The following KHDRBS2 variants were observed in gnomAD, a reference collection of about 807,000 sequenced individuals.
The protein encoded by KHDRBS2 is KH RNA binding domain containing, signal transduction associated 2.
In KHDRBS2, 26 loss-of-function variants were observed where a neutral mutation model predicts 44.3. The ratio of observed to expected loss-of-function variants is 0.59; its 90% CI spans 0.43 to 0.81. The LOEUF is 0.81. Among genes scored for constraint, KHDRBS2 ranks in the 40% least tolerant of loss-of-function variants. The pLI, the probability that KHDRBS2 is intolerant of heterozygous loss-of-function variation, is 0.00. For synonymous variants in KHDRBS2, 194 were observed against 151.1 expected, an observed-to-expected ratio of 1.28 and a Z score of -2.08; for missense variants, 476 against 433.1, an observed-to-expected ratio of 1.10 and a Z score of -0.88.
chr6:61,960,324 TA>T (rs990180054), intron 4 of KHDRBS2, among the ~76,000 whole-genome samples: 36 of 152,024 alleles, frequency 2.4e-4, no homozygotes, highest in Non-Finnish European at 4.7e-4. Flanking sequence ...AGATTTATTT[TA>T]AAAAAATCAT....
chr6:61,737,022 A>C (rs1562063083), intron 6 of KHDRBS2, among the ~76,000 whole-genome samples: 1 of 152,106 alleles, frequency 6.6e-6, no homozygotes, highest in East Asian at 1.9e-4. Flanking sequence ...ACAAATATAT[A>C]TTGAATTGTT....
chr6:61,672,759 T>A, the KHDRBS2 span, among the ~76,000 whole-genome samples: 1 of 151,126 alleles, frequency 6.6e-6, no homozygotes, highest in East Asian at 2.0e-4. Context: ...CTTTGTCAGA[T>A]GAGTAGGTTG....
chr6:61,799,724 G>A (rs1785960792), intron 6 of KHDRBS2, among the ~76,000 whole-genome samples: 1 of 151,870 alleles, frequency 6.6e-6, no homozygotes, highest in Admixed American at 6.6e-5. Context: ...ATAGTGCTTA[G>A]AAGACAAAAA....
chr6:61,569,587 G>A, the KHDRBS2 span, among the ~76,000 whole-genome samples: 3 of 152,104 alleles, frequency 2.0e-5, no homozygotes, highest in Non-Finnish European at 4.4e-5. Context: ...AGGTCCATGC[G>A]ACAACTTCAC....
At chr6:62,279,038 G>A (rs1698191981) in intron 1 of KHDRBS2, among the ~76,000 whole-genome samples, 3 of 152,102 alleles carry the variant, frequency 2.0e-5, no homozygotes, top group Non-Finnish European at 4.4e-5. Context: ...AGCTTGCAGT[G>A]AGCTGAGATT....
At chr6:61,596,612 A>G in the KHDRBS2 span, among the ~76,000 whole-genome samples, 2 of 152,242 alleles carry the variant, frequency 1.3e-5, no homozygotes, top group East Asian at 3.9e-4. Flanking sequence ...GTTGTTAACT[A>G]GGCAACCCTA....
intron 7 of KHDRBS2, among the ~76,000 whole-genome samples, chr6:61,728,778 T>C (rs10455475): frequency 6.6e-6 from 1 of 152,174 alleles, no homozygotes; most frequent in East Asian, 1.9e-4. Context: ...TCCAAAAATG[T>C]TCACAACAGC....
chr6:62,251,458 A>G (rs934409695), intron 1 of KHDRBS2, among the ~76,000 whole-genome samples: 3 of 152,008 alleles, frequency 2.0e-5, no homozygotes, highest in Non-Finnish European at 2.9e-5. Flanking sequence ...AAAATATTTG[A>G]ATGTGGAACA....
chr6:61,547,719 A>G, the KHDRBS2 span, among the ~76,000 whole-genome samples: 6,159 of 152,266 alleles, frequency 0.04, 151 homozygotes, highest in Middle Eastern at 0.088. Flanking sequence ...CCAGTACTCT[A>G]GGTTCTTAAA....
intron 2 of KHDRBS2, among the ~76,000 whole-genome samples, chr6:62,120,761 C>G (rs1226280415): frequency 6.6e-6 from 1 of 152,072 alleles, no homozygotes; most frequent in Admixed American, 6.6e-5. Context: ...GCCCTTCAAT[C>G]AATTTAGGAC....
chr6:61,830,071 AGATGATAG>A (rs1791551229), intron 6 of KHDRBS2, among the ~76,000 whole-genome samples: 1 of 152,210 alleles, frequency 6.6e-6, no homozygotes, highest in Non-Finnish European at 1.5e-5. Context: ...TGCTGAATAT[AGATGATAG>A]TCTGAGAGCC....
At chr6:61,598,094 C>T in the KHDRBS2 span, among the ~76,000 whole-genome samples, 25 of 150,748 alleles carry the variant, frequency 1.7e-4, no homozygotes, top group African/African-American at 6.1e-4. Flanking sequence ...CCACCCACCC[C>T]ACTCCCTGCC....
the KHDRBS2 span, among the ~76,000 whole-genome samples, chr6:61,553,947 C>T: frequency 7.9e-5 from 12 of 152,036 alleles, no homozygotes; most frequent in African/African-American, 2.9e-4. Context: ...GAGTGTGTGC[C>T]ATGTGCTGAT....
chr6:61,802,266 G>C (rs184329808), intron 6 of KHDRBS2, among the ~76,000 whole-genome samples: 12 of 152,250 alleles, frequency 7.9e-5, no homozygotes, highest in African/African-American at 2.9e-4. Context: ...AGTCTGACTG[G>C]ACTTCTGACT....
Position 62,255,929 on chromosome 6 carries a change from C to T in KHDRBS2, c.91+29929G>A, listed in dbSNP as rs555258897. Reference sequence around the variant, plus strand: ...GGCAGATAACTTGAGGTCAGGAGTTCCACACCAGCCTGGCCAACATGATGA... The same window carrying T: ...GGCAGATAACTTGAGGTCAGGAGTTTCACACCAGCCTGGCCAACATGATGA... On this transcript the variant is annotated intron_variant, in intron 1 of 8. Coordinates refer to ENST00000281156, the MANE Select transcript of KHDRBS2 (RefSeq NM_152688.4). 8.6e-5 allele frequency among the ~76,000 whole-genome samples: 13 copies of T among 151,790 alleles called. No individual in the cohort carries two copies. The East Asian group carries it at 2.3e-3, about 27-fold the overall frequency.
Position 61,681,003 on chromosome 6 carries a change from G to T in KHDRBS2, c.1010C>A (p.Ala337Asp). The change falls in exon 9 of 9, where the codon GCC (alanine) becomes GAC (aspartate). Residue 337 changes from alanine to aspartate, a missense_variant. Ala to Asp is a moderately radical substitution (Grantham distance 126). Coordinates refer to ENST00000281156, the MANE Select transcript of KHDRBS2 (RefSeq NM_152688.4). ...GGGGTGTTCCCTGTATCCCCCTCTG[G>T]CTGACCTTTGCGGTGGTGCCTTCAA... ...SSLKAPPQRS[A>D]RGGYREHPYG... is the part of the protein sequence containing the mutation. 10 of 1,611,746 alleles carry T rather than the reference G, an allele frequency of 6.2e-6. No homozygotes were observed. The highest frequency in any genetic ancestry group is 6.8e-6 in the Non-Finnish European group (8 of 1,178,586).
chr6:62,104,212 CA>C (rs1456717103), intron 2 of KHDRBS2, among the ~76,000 whole-genome samples: 4 of 152,132 alleles, frequency 2.6e-5, no homozygotes, highest in Non-Finnish European at 5.9e-5. Flanking sequence ...ACACTCTATT[CA>C]AAAACAGCAT....
chr6:61,776,366 G>T (rs1177507848), intron 6 of KHDRBS2, among the ~76,000 whole-genome samples: 1 of 152,062 alleles, frequency 6.6e-6, no homozygotes, highest in Non-Finnish European at 1.5e-5. Context: ...CCTACAAAAT[G>T]GGAGAAAATT....
chr6:61,862,656 C>A (rs903569697), intron 6 of KHDRBS2, among the ~76,000 whole-genome samples: 2 of 152,084 alleles, frequency 1.3e-5, no homozygotes, highest in Admixed American at 1.3e-4. Flanking sequence ...ACCTTGCGTC[C>A]TGAAGATGAA....
Sources: gnomAD v4.1 joint callset for allele counts (sites outside exome capture counted in the v4.1 genomes callset) on GRCh38, gnomAD v4.1.1 for gene constraint, MANE v1.5 for transcripts, NCBI Gene and HGNC (gene_info 2026-07-23, HGNC 2026-07-21) for gene names.